CPD: variants seen among roughly 807,000 people sequenced by gnomAD.
CPD encodes the protein carboxypeptidase D.
A neutral mutation model predicts 138.3 loss-of-function variants in CPD; 69 were observed. The ratio of observed to expected loss-of-function variants is 0.50; its 90% CI spans 0.41 to 0.61. The LOEUF (loss-of-function observed/expected upper bound fraction) is 0.61. CPD is among the 20% of genes least tolerant of loss of function. The pLI is 0.00. For missense variants in CPD, 1,432 were observed against 1,733.3 expected, an observed-to-expected ratio of 0.83 and a Z score of 3.09; for synonymous variants, 651 against 642.1, an observed-to-expected ratio of 1.01 and a Z score of -0.21.
intron 2 of CPD, among the ~76,000 whole-genome samples, chr17:30,404,511 T>C (rs1405353637): frequency 6.6e-6 from 1 of 152,120 alleles, no homozygotes; most frequent in Non-Finnish European, 1.5e-5. Context: ...AAACTGGTCT[T>C]TCATTTTTGA....
At chr17:30,380,580 G>A (rs1911012898) in intron 1 of CPD, 2 of 1,500,026 alleles carry the variant, frequency 1.3e-6, no homozygotes, top group East Asian at 5.0e-5. Flanking sequence ...AAATTACAAA[G>A]TAGAAGAAGG....
chr17:30,427,181 C>CA (rs35109982), intron 6 of CPD, among the ~76,000 whole-genome samples: 680 of 74,132 alleles, frequency 9.2e-3, no homozygotes, highest in Admixed American at 0.015. Context: ...GACTCCATCT[C>CA]AAAAAAAAAA....
chr17:30,456,175 G>T, intron 15 of CPD, 81 bp from the exon 16 acceptor site: 1 of 1,033,008 alleles, frequency 9.7e-7, no homozygotes. Context: ...AGAAAAAGAT[G>T]ACTTGTATCC....
At chr17:30,411,904 G>A (rs1247173606) in intron 2 of CPD, among the ~76,000 whole-genome samples, 2 of 152,184 alleles carry the variant, frequency 1.3e-5, no homozygotes, top group Non-Finnish European at 2.9e-5. Flanking sequence ...TTCCGTTGCT[G>A]GCAAGGAGCT....
chr17:30,432,059 C>T (rs913626906), intron 8 of CPD, among the ~76,000 whole-genome samples, 178 bp downstream of exon 8: 92 of 152,296 alleles, frequency 6.0e-4, no homozygotes, highest in African/African-American at 1.8e-3. Context: ...GAATACACTA[C>T]ATGTCTTTCT....
intron 15 of CPD, 100 bp from the exon 16 acceptor site, chr17:30,456,156 T>TCTCGGTGGTCGCCGTA: frequency 7.9e-6 from 7 of 884,490 alleles, no homozygotes; most frequent in Admixed American, 5.3e-5. Context: ...GAGTGCAAAA[T>TCTCGGTGGTCGCCGTA]TTATTAGGAG....
intron 2 of CPD, among the ~76,000 whole-genome samples, chr17:30,391,468 C>T (rs774582848): frequency 1.3e-5 from 2 of 152,056 alleles, no homozygotes; most frequent in Non-Finnish European, 2.9e-5. Context: ...GGGCAGGCAA[C>T]GTATAGTTGA....
chr17:30,379,041 T>C lies in CPD; in HGVS notation c.61T>C (p.Cys21Arg), dbSNP rs1458378193. The C allele has an allele frequency of 6.4e-7, 1 of 1,561,582 alleles. No individual in the cohort carries two copies. Among genetic ancestry groups the C allele is most frequent in the Non-Finnish European group, 8.6e-7 (1 of 1,161,454 alleles). Reference sequence around the variant, plus strand: ...GCTAGGGCGGCTCCTGTTGCTCATGTGCCTGCTGCTGCTGGGGAGCTCGGC... The same window carrying C: ...GCTAGGGCGGCTCCTGTTGCTCATGCGCCTGCTGCTGCTGGGGAGCTCGGC... ...WRLGRLLLLM[C>R]LLLLGSSARA... The change falls in exon 1 of 21, where the codon TGC (cysteine) becomes CGC (arginine). Residue 21 changes from cysteine to arginine, a missense_variant. This residue lies in a region of CPD where 484 missense variants were observed against 477.2 expected (regional missense o/e 1.01). Transcript: ENST00000225719. This position sits in a 1 kb window ranked among gnomAD's most constrained non-coding sequence, Gnocchi z 7.0.
chr17:30,415,300 A>G (rs911787310), intron 2 of CPD, among the ~76,000 whole-genome samples: 2 of 152,120 alleles, frequency 1.3e-5, no homozygotes, highest in Non-Finnish European at 2.9e-5. Context: ...CAGCAGTCAG[A>G]ATGATCTTGA....
At position 30,422,965 on chromosome 17, in the gene CPD, A is replaced by G; in HGVS notation, c.1599A>G (p.Val533=). Residue 533 remains valine (V), a synonymous_variant, in exon 5 of 21, where the codon GTA becomes GTG. Transcript: ENST00000225719. ...ITRLYSLGKS[V]ESRELYVMEI... is the part of the protein sequence containing the mutation. ...GGCTTTATTCCTTGGGAAAATCAGT[A>G]GAGTCAAGAGAACTTTATGTGATGG... 6.2e-7 allele frequency: 1 copy of G among 1,614,052 alleles called. No homozygotes were observed. The highest frequency in any genetic ancestry group is 8.5e-7 in the Non-Finnish European group (1 of 1,179,920).
chr17:30,385,849 A>G (rs1375766556), intron 2 of CPD, among the ~76,000 whole-genome samples: 4 of 151,580 alleles, frequency 2.6e-5, no homozygotes, highest in African/African-American at 9.7e-5. Context: ...GAAAAATTCC[A>G]TAATCTAGAT....
chr17:30,401,292 T>C lies in CPD; in HGVS notation c.994+16056T>C, dbSNP rs531989642. Among the ~76,000 whole-genome samples the C allele has an allele frequency of 6.6e-5, 10 of 151,876 alleles. No homozygotes were observed. The South Asian group carries it at 2.1e-3, about 32-fold the overall frequency. On this transcript the variant is annotated intron_variant, in intron 2 of 20. Coordinates refer to ENST00000225719, the MANE Select transcript of CPD (RefSeq NM_001304.5). ...TCCTCCTTCTTCCTTCTCCTCCTCT[T>C]TCTCCTCTTACTCCTCTTCCTCTTC... is the stretch of plus-strand genomic sequence containing the variant.
At position 30,451,955 on chromosome 17, in the gene CPD, G is replaced by A. The variant is rs1037119788; in HGVS notation, c.3205+109G>A. 12 of 1,018,046 alleles carry A rather than the reference G, an allele frequency of 1.2e-5. 1 individual carries two copies. The highest frequency in any genetic ancestry group is 5.5e-6 in the Non-Finnish European group (4 of 722,186). 63.1% of individuals were successfully genotyped at this position (1,018,046 alleles called of 1,614,324 possible). On this transcript the variant is annotated intron_variant, in intron 14 of 20. Transcript: ENST00000225719. ...GAATAATGGAGTACTTTCTTGTCTG[G>A]GTTATGAATGTGAGGTATAAATGAA...
intron 10 of CPD, among the ~76,000 whole-genome samples, 173 bp downstream of exon 10, chr17:30,442,623 T>C (rs1912908615): frequency 6.6e-6 from 1 of 152,128 alleles, no homozygotes; most frequent in Non-Finnish European, 1.5e-5. Flanking sequence ...ATCTAGAAAA[T>C]TCGTGAATGG....
chr17:30,434,469 G>A (rs1691894025), intron 8 of CPD, among the ~76,000 whole-genome samples: 1 of 152,070 alleles, frequency 6.6e-6, no homozygotes, highest in Non-Finnish European at 1.5e-5. Context: ...CATCACATAT[G>A]CACTAAATCC....
At chr17:30,382,127 T>C (rs1911065730) in intron 1 of CPD, among the ~76,000 whole-genome samples, 1 of 152,192 alleles carries the variant, frequency 6.6e-6, no homozygotes, top group African/African-American at 2.4e-5. Context: ...AAAAGCATTA[T>C]TACAGTGTTG....
At chr17:30,427,991 C>G (rs1912466817) in intron 7 of CPD, among the ~76,000 whole-genome samples, 1 of 151,494 alleles carries the variant, frequency 6.6e-6, no homozygotes, top group Admixed American at 6.6e-5. Context: ...GTATTTATCT[C>G]TCACATTGGG....
rs1489277550 is a variant in CPD, at chr17:30,449,620, G to C, written c.2941G>C (p.Glu981Gln). 1 of 1,611,294 alleles carries C rather than the reference G, an allele frequency of 6.2e-7. No individual in the cohort carries two copies. The highest frequency in any genetic ancestry group is 1.1e-5 in the South Asian group (1 of 90,374). Reference protein sequence around the residue: ...LEISNKPNVSEPEEPKIRFVA... With the variant: ...LEISNKPNVSQPEEPKIRFVA... ...AATCTCCAATAAGCCCAATGTATCT[G>C]AGCCTGAAGAACCAAAGATTCGTTT... is the stretch of plus-strand genomic sequence containing the variant. The change falls in exon 13 of 21, where the codon GAG (glutamate) becomes CAG (glutamine). Residue 981 changes from glutamate to glutamine, a missense_variant. This residue lies in a region of CPD where 366 missense variants were observed against 518.8 expected (regional missense o/e 0.71). Transcript: ENST00000225719.
In CPD at chr17:30,461,994, G is replaced by C. The variant is rs1012826561; in HGVS notation, c.3748G>C (p.Val1250Leu). 1 of 1,613,846 alleles carries C rather than the reference G, an allele frequency of 6.2e-7. No individual in the cohort carries two copies. Among genetic ancestry groups the C allele is most frequent in the Non-Finnish European group, 8.5e-7 (1 of 1,179,908 alleles). The change falls in exon 19 of 21, where the codon GTA (valine) becomes CTA (leucine). Residue 1250 changes from valine to leucine, a missense_variant. Physicochemically the swap from Val to Leu is conservative, Grantham distance 32. Around this residue, in one of 6 missense-constraint regions of CPD, gnomAD observed 366 missense variants for 518.8 expected, o/e 0.71. Coordinates refer to ENST00000225719, the MANE Select transcript of CPD (RefSeq NM_001304.5). ...VQTKEGGYFH[V>L]LLAPGVHNII... ...AACAAAAGAGGGAGGTTATTTCCAT[G>C]TACTCTTAGCGCCAGGTGTCCATAA...
Sources: gnomAD v4.1 joint callset for allele counts (sites outside exome capture counted in the v4.1 genomes callset) on GRCh38, gnomAD v4.1.1 for gene constraint, gnomAD v4.1.1 regional missense constraint, Gnocchi (gnomAD v3.1) non-coding constraint, MANE v1.5 for transcripts, NCBI Gene and HGNC (gene_info 2026-07-23, HGNC 2026-07-21) for gene names.